The following LRP1B variants were observed in gnomAD, a reference collection of about 807,000 sequenced individuals.
The protein encoded by LRP1B is LDL receptor related protein 1B.
Under a neutral mutation model 556.6 loss-of-function variants are expected in LRP1B, and 217 were observed. The observed-to-expected ratio is 0.39, with a 90% confidence interval of 0.35 to 0.44. The LOEUF is 0.44. LRP1B is among the 20% of genes least tolerant of loss of function. LRP1B has a pLI of 1.00. For missense variants in LRP1B, 5,053 were observed against 5,620.8 expected (o/e 0.90, Z 3.23); for synonymous variants, 2,047 against 1,865.8 (o/e 1.10, Z -2.50).
intron 47 of LRP1B, among the ~76,000 whole-genome samples, chr2:140,532,938 A>ATATCTATATCTATATCTATATC (rs1558948715): frequency 3.5e-5 from 4 of 113,710 alleles, no homozygotes; most frequent in African/African-American, 1.2e-4. Context: ...AGATATATAT[A>ATATCTATATCTATATCTATATC]TATATATATA....
rs182920819 is a variant in LRP1B at position 141,689,129 on chromosome 2, T to G, written c.205+121150A>C. ...GCAAATACTGACTTCTGTTATCATT[T>G]TTACCATCGTTTTCCCTTTGTCTTT... On this transcript the variant is annotated intron_variant, in intron 2 of 90. Coordinates refer to ENST00000389484, the MANE Select transcript of LRP1B (RefSeq NM_018557.3). Among the ~76,000 whole-genome samples the G allele has an allele frequency of 1.2e-4, 19 of 152,028 alleles. No individual in the cohort carries two copies. The East Asian group carries it at 3.3e-3, about 26-fold the overall frequency.
In LRP1B at chr2:140,583,171, C is replaced by CTTT. The variant is rs1219194754; in HGVS notation, c.7194+15457_7194+15459dup. Among the ~76,000 whole-genome samples the CTTT allele has an allele frequency of 1.1e-3, 53 of 48,042 alleles. 1 individual carries two copies. Among genetic ancestry groups the CTTT allele is most frequent in the Non-Finnish European group, 1.6e-3 (32 of 20,464 alleles). The allele number at this position is 48,042 out of a possible 152,430, so 31.5% of individuals were successfully genotyped here. A position where few individuals can be genotyped will look rare whatever the true frequency, so the allele number is the denominator to read the frequency against. On this transcript the variant is annotated intron_variant, in intron 43 of 90. Coordinates refer to ENST00000389484, the MANE Select transcript of LRP1B (RefSeq NM_018557.3). ...CTATTGACAGTTTCTCCTTTTTTTT[C>CTTT]TTTTTTTTTTTTTTTTTTTTTTGAG...
chr2:141,974,921 T>C (rs753772312), intron 1 of LRP1B, among the ~76,000 whole-genome samples: 3 of 152,090 alleles, frequency 2.0e-5, no homozygotes, highest in Non-Finnish European at 2.9e-5. Flanking sequence ...TCATAATTTG[T>C]TTTCCCCCTC....
chr2:140,495,621 C>A lies in LRP1B; in HGVS notation c.8978G>T (p.Cys2993Phe). The change falls in exon 56 of 91, where the codon TGT (cysteine) becomes TTT (phenylalanine). Residue 2993 changes from cysteine (C) to phenylalanine (F), a missense_variant. Cys to Phe is a radical substitution (Grantham distance 205). This residue lies in a region of LRP1B where 3,619 missense variants were observed against 3,931.9 expected (regional missense o/e 0.92). Coordinates refer to ENST00000389484, the MANE Select transcript of LRP1B (RefSeq NM_018557.3). ...AGGTTGTATTTCATACCCATCTGTA[C>A]AGAGGCACTTGTAAGTCCCGTATGT... is the stretch of plus-strand genomic sequence containing the variant. ...INTYGTYKCL[C>F]TDGYEIQPDN... The A allele has an allele frequency of 1.9e-6, 3 of 1,613,796 alleles. No individual in the cohort carries two copies. Among genetic ancestry groups the A allele is most frequent in the Non-Finnish European group, 2.5e-6 (3 of 1,179,746 alleles).
intron 2 of LRP1B, among the ~76,000 whole-genome samples, chr2:141,678,418 T>A (rs1690969685): frequency 6.6e-6 from 1 of 152,146 alleles, no homozygotes. Flanking sequence ...AAAAAATGTA[T>A]GTTTTAATGA....
chr2:141,175,087 C>T (rs1177929002), intron 7 of LRP1B, among the ~76,000 whole-genome samples: 1 of 152,038 alleles, frequency 6.6e-6, no homozygotes, highest in African/African-American at 2.4e-5. Context: ...AGCAGCAAAG[C>T]ATTCAAGATG....
chr2:141,424,872 T>A (rs1252361561), intron 3 of LRP1B, among the ~76,000 whole-genome samples: 2 of 152,208 alleles, frequency 1.3e-5, no homozygotes, highest in Non-Finnish European at 2.9e-5. Context: ...GAACCTGAAT[T>A]ACTTTGAAAA....
chr2:141,926,381 G>A (rs186838435), intron 1 of LRP1B, among the ~76,000 whole-genome samples: 80 of 152,260 alleles, frequency 5.3e-4, no homozygotes, highest in African/African-American at 1.9e-3. Context: ...AAGAAGGTCT[G>A]ACTTTTTTCC....
rs773650445 is a variant in LRP1B, at chr2:140,989,512, A to G, written c.2770+20T>C. 81 of 1,611,962 alleles carry G rather than the reference A, an allele frequency of 5.0e-5. 1 individual carries two copies. The highest frequency in any genetic ancestry group is 6.5e-5 in the Non-Finnish European group (77 of 1,178,814). On this transcript the variant is annotated intron_variant, in intron 17 of 90. Coordinates refer to ENST00000389484, the MANE Select transcript of LRP1B (RefSeq NM_018557.3). ...CTAACTTTGGAGGAGATTTACGTGT[A>G]TATCCAAGCAAACCTTTACCTGTGC... is the stretch of plus-strand genomic sequence containing the variant.
intron 2 of LRP1B, among the ~76,000 whole-genome samples, chr2:141,629,369 C>T (rs191488344): frequency 7.6e-4 from 116 of 152,230 alleles, no homozygotes; most frequent in African/African-American, 2.6e-3. Flanking sequence ...GCTAAACCCC[C>T]CTACACTAAA....
In LRP1B at chr2:140,926,510, T is replaced by TA. The variant is rs530705014; in HGVS notation, c.3137-3364dup. On this transcript the variant is annotated intron_variant, in intron 20 of 90. Coordinates refer to ENST00000389484, the MANE Select transcript of LRP1B (RefSeq NM_018557.3). ...GTGTGTGCCACTGCACCCAGCTAAT[T>TA]AAAAAAAAAATCTGTACATACAGGG... is the stretch of plus-strand genomic sequence containing the variant. Among the ~76,000 whole-genome samples the TA allele has an allele frequency of 2.4e-3, 358 of 150,046 alleles. 1 individual carries two copies. Among genetic ancestry groups the TA allele is most frequent in the Non-Finnish European group, 2.4e-3 (164 of 67,360 alleles).
intron 3 of LRP1B, among the ~76,000 whole-genome samples, chr2:141,339,767 TTTTATTTATTTA>T (rs869119147): frequency 6.3e-5 from 2 of 31,548 alleles, no homozygotes; most frequent in Non-Finnish European, 1.6e-4. Context: ...TATTTTTCTC[TTTTATTTATTTA>T]TTTATTTATT....
rs543968603 is a variant in LRP1B at position 141,961,496 on chromosome 2, T to C, written c.83-151095A>G. Among the ~76,000 whole-genome samples, 7 of 151,844 alleles carry C rather than the reference T, an allele frequency of 4.6e-5. No individual in the cohort carries two copies. In the East Asian group the frequency reaches 1.4e-3, roughly 30 times the overall value. ...GATCCTTGGTATCTCTTACACACCTTTGACGTATTTAATTGATCTGGGTCA... is the reference window on the plus strand; with the variant it reads ...GATCCTTGGTATCTCTTACACACCTCTGACGTATTTAATTGATCTGGGTCA... On this transcript the variant is annotated intron_variant, in intron 1 of 90. Coordinates refer to ENST00000389484, the MANE Select transcript of LRP1B (RefSeq NM_018557.3).
intron 3 of LRP1B, among the ~76,000 whole-genome samples, chr2:141,455,112 C>G (rs1457740034): frequency 2.0e-5 from 3 of 151,964 alleles, no homozygotes; most frequent in Non-Finnish European, 4.4e-5. Flanking sequence ...TTTAAACTGT[C>G]TCTTATTTTA....
intron 3 of LRP1B, among the ~76,000 whole-genome samples, chr2:141,275,721 A>G (rs1456381768): frequency 6.6e-6 from 1 of 152,148 alleles, no homozygotes; most frequent in Non-Finnish European, 1.5e-5. Flanking sequence ...TCAAAAAATA[A>G]AAGAAAAGAA....
chr2:140,905,194 A>T (rs1694214269), intron 22 of LRP1B, among the ~76,000 whole-genome samples: 2 of 151,932 alleles, frequency 1.3e-5, no homozygotes, highest in Admixed American at 1.3e-4. Context: ...AGCACAAATG[A>T]TTTCATCCTG....
Position 141,412,854 on chromosome 2 carries a change from C to T in LRP1B, c.343+67542G>A, listed in dbSNP as rs115667396. Reference sequence around the variant, plus strand: ...TCTGTGGTAGACAAAATAATGACTCCCCAAGGATATTCATGCCCGAATCCT... The same window carrying T: ...TCTGTGGTAGACAAAATAATGACTCTCCAAGGATATTCATGCCCGAATCCT... On this transcript the variant is annotated intron_variant, in intron 3 of 90. Coordinates refer to ENST00000389484, the MANE Select transcript of LRP1B (RefSeq NM_018557.3). Among the ~76,000 whole-genome samples the T allele has an allele frequency of 4.8e-3, 727 of 152,070 alleles. 2 individuals carry two copies. Among genetic ancestry groups the T allele is most frequent in the Non-Finnish European group, 7.7e-3 (522 of 67,992 alleles).
chr2:141,561,516 A>G (rs1686151547), intron 2 of LRP1B, among the ~76,000 whole-genome samples: 1 of 151,810 alleles, frequency 6.6e-6, no homozygotes, highest in Non-Finnish European at 1.5e-5. Flanking sequence ...GAATATCCCC[A>G]TTTATTACCT....
intron 2 of LRP1B, among the ~76,000 whole-genome samples, chr2:141,776,686 C>T (rs972287329): frequency 6.6e-6 from 1 of 152,144 alleles, no homozygotes; most frequent in Admixed American, 6.5e-5. Context: ...TTGACACTTA[C>T]TAGCTATGTG....
Sources: allele counts gnomAD v4.1 joint callset (sites outside exome capture counted in the v4.1 genomes callset), GRCh38; gene constraint gnomAD v4.1.1; regional missense constraint gnomAD v4.1.1; transcripts MANE v1.5; gene names NCBI Gene and HGNC (gene_info 2026-07-23, HGNC 2026-07-21).